Variants in MLLT10 observed in about 807,000 individuals in gnomAD.
MLLT10 encodes protein AF-10.
In MLLT10, 30 loss-of-function variants were observed where a neutral mutation model predicts 129.1. That is an observed-to-expected ratio of 0.23 (90% confidence interval 0.17 to 0.32). The LOEUF (loss-of-function observed/expected upper bound fraction) is 0.32. Ranked by LOEUF, MLLT10 falls within the 10% of genes least tolerant of loss-of-function variation. MLLT10 has a pLI of 1.00. For synonymous variants in MLLT10, 490 were observed against 446.4 expected, an observed-to-expected ratio of 1.10 and a Z score of -1.23; for missense variants, 1,119 against 1,268.3, an observed-to-expected ratio of 0.88 and a Z score of 1.79.
intron 17 of MLLT10, among the ~76,000 whole-genome samples, chr10:21,731,803 T>C (rs894062659): frequency 4.6e-5 from 7 of 152,182 alleles, no homozygotes; most frequent in African/African-American, 1.4e-4. Context: ...AGATGTGGCC[T>C]TGTCTTAATT....
rs1285604386 is a variant in MLLT10 at position 21,534,446 on chromosome 10, G to T, written c.-75G>T. The stretch of plus-strand genomic sequence containing the variant: ...AGGAGGCGGAGGAGGCGGTGGAGGG[G>T]AGGTGGGGGGAATCAGCAAGGACAT... On this transcript the variant is annotated 5_prime_UTR_variant, in exon 1 of 23. Transcript: ENST00000307729. 2 of 502,860 alleles carry T rather than the reference G, an allele frequency of 4.0e-6. No homozygotes were observed. Among genetic ancestry groups the T allele is most frequent in the Admixed American group, 3.7e-5 (1 of 27,188 alleles). 31.1% of individuals were successfully genotyped at this position (502,860 alleles called of 1,614,324 possible). A position where few individuals can be genotyped will look rare whatever the true frequency, so the allele number is the denominator to read the frequency against.
intron 8 of MLLT10, among the ~76,000 whole-genome samples, chr10:21,635,717 C>A (rs1309255945): frequency 6.6e-6 from 1 of 151,216 alleles, no homozygotes; most frequent in Non-Finnish European, 1.5e-5. Flanking sequence ...TTTTCTCTTG[C>A]TGTTTTTTGT....
At chr10:21,674,262 A>G (rs2051824328) in intron 11 of MLLT10, among the ~76,000 whole-genome samples, 1 of 151,722 alleles carries the variant, frequency 6.6e-6, no homozygotes, top group Non-Finnish European at 1.5e-5. Context: ...TGCAGAATTT[A>G]TATTTAGGGT....
intron 9 of MLLT10, among the ~76,000 whole-genome samples, chr10:21,665,658 T>A (rs1339677406): frequency 6.6e-6 from 1 of 152,144 alleles, no homozygotes; most frequent in East Asian, 1.9e-4. Context: ...AATCTTTGCT[T>A]TTTAATTGGG....
At chr10:21,579,113 A>G (rs1177418567) in intron 3 of MLLT10, among the ~76,000 whole-genome samples, 1 of 152,084 alleles carries the variant, frequency 6.6e-6, no homozygotes, top group African/African-American at 2.4e-5. Context: ...TTTGAAGGGC[A>G]TTGTGGTTGG....
intron 5 of MLLT10, among the ~76,000 whole-genome samples, chr10:21,596,431 G>A (rs1385685359): frequency 1.3e-5 from 2 of 152,170 alleles, no homozygotes; most frequent in African/African-American, 2.4e-5. Context: ...TGGTTGAAGG[G>A]CCTAGTTTGG....
At chr10:21,691,757 A>G (rs886497336) in intron 13 of MLLT10, among the ~76,000 whole-genome samples, 1 of 152,170 alleles carries the variant, frequency 6.6e-6, no homozygotes, top group Non-Finnish European at 1.5e-5. Context: ...AAAGCAAGGA[A>G]CACAGTAAAG....
chr10:21,697,000 C>T (rs1328227637), intron 13 of MLLT10, among the ~76,000 whole-genome samples: 1 of 148,002 alleles, frequency 6.8e-6, no homozygotes, highest in Non-Finnish European at 1.5e-5. Flanking sequence ...AGTTGACTCC[C>T]TAGCTTCATC....
rs930904906 is a variant in MLLT10, at chr10:21,667,520, G to GT, written c.796-2919dup. 3.3e-3 allele frequency among the ~76,000 whole-genome samples: 473 copies of GT among 141,850 alleles called. 2 individuals carry two copies. Among genetic ancestry groups the GT allele is most frequent in the Middle Eastern group, 0.03 (8 of 266 alleles). The allele number at this position is 141,850 out of a possible 152,430, so 93.1% of individuals were successfully genotyped here. On this transcript the variant is annotated intron_variant, in intron 9 of 22. Coordinates refer to ENST00000307729, the MANE Select transcript of MLLT10 (RefSeq NM_001195626.3). Reference sequence around the variant, plus strand: ...ACTTAAGGTTGTTCTACAGCTCACTGTTTTTTTTTTAATGTACTCATTCTT... The same window carrying GT: ...ACTTAAGGTTGTTCTACAGCTCACTGTTTTTTTTTTTAATGTACTCATTCTT...
rs61561146 is a variant in MLLT10 at position 21,593,926 on chromosome 10, TAAAAAAAAAAAAAA to T, written c.296-1386_296-1373del. Among the ~76,000 whole-genome samples the T allele has an allele frequency of 4.4e-3, 201 of 45,430 alleles. 4 individuals carry two copies. Among genetic ancestry groups the T allele is most frequent in the African/African-American group, 0.013 (126 of 9,430 alleles). 29.8% of individuals were successfully genotyped at this position (45,430 alleles called of 152,430 possible). ...GGGCGACAGACCAAGGCTTTGTCTT[TAAAAAAAAAAAAAA>T]AAAAAAAAAAAAAAAAAAGGTGGAA... On this transcript the variant is annotated intron_variant, in intron 4 of 22. Transcript: ENST00000307729.
intron 5 of MLLT10, among the ~76,000 whole-genome samples, chr10:21,600,668 G>T (rs2043437909): frequency 6.6e-6 from 1 of 152,078 alleles, no homozygotes; most frequent in Non-Finnish European, 1.5e-5. Context: ...TGCTTAAATT[G>T]ATTTTTCTTT....
At chr10:21,538,068 A>G (rs1426925132) in intron 2 of MLLT10, among the ~76,000 whole-genome samples, 1 of 150,360 alleles carries the variant, frequency 6.7e-6, no homozygotes, top group Non-Finnish European at 1.5e-5. Context: ...TGGTGTGATT[A>G]TGGCTCACTG....
rs182180657 is a variant in MLLT10, at chr10:21,631,914, T to C, written c.699+14707T>C. Among the ~76,000 whole-genome samples, 4 of 144,754 alleles carry C rather than the reference T, an allele frequency of 2.8e-5. No homozygotes were observed. In the East Asian group the frequency reaches 7.9e-4, roughly 28 times the overall value. 95.0% of individuals were successfully genotyped at this position (144,754 alleles called of 152,430 possible). ...AGTTAGATAAATCTGTATTACAACT[T>C]GAAGAGTTTTTTTTTTGGTTTTTTT... On this transcript the variant is annotated intron_variant, in intron 8 of 22. Transcript: ENST00000307729.
chr10:21,614,426 A>G (rs1261442999), intron 6 of MLLT10, among the ~76,000 whole-genome samples: 1 of 152,132 alleles, frequency 6.6e-6, no homozygotes, highest in African/African-American at 2.4e-5. Flanking sequence ...GCTAAATACC[A>G]TCACTTCGGC....
chr10:21,693,283 T>C (rs2054050296), intron 13 of MLLT10, among the ~76,000 whole-genome samples: 1 of 152,242 alleles, frequency 6.6e-6, no homozygotes, highest in Admixed American at 6.5e-5. Flanking sequence ...AAACTTACTT[T>C]TTGCTATGCA....
intron 8 of MLLT10, among the ~76,000 whole-genome samples, chr10:21,638,243 ATTC>A (rs2047638879): frequency 9.4e-6 from 1 of 105,892 alleles, no homozygotes; most frequent in South Asian, 3.5e-4. Context: ...TCTATCATAT[ATTC>A]TTCTTTTTGG....
chr10:21,717,598 T>TTTCTTCCTC, intron 14 of MLLT10, among the ~76,000 whole-genome samples: 1 of 119,272 alleles, frequency 8.4e-6, no homozygotes, highest in African/African-American at 3.2e-5. Flanking sequence ...CTTCCTCTTC[T>TTTCTTCCTC]TTCTTCCTCT....
intron 8 of MLLT10, among the ~76,000 whole-genome samples, chr10:21,636,521 C>T (rs1049357920): frequency 6.6e-6 from 1 of 151,086 alleles, no homozygotes; most frequent in Non-Finnish European, 1.5e-5. Context: ...CAAAGCTGAT[C>T]TATATTTTTT....
At chr10:21,651,323 G>C (rs1248085871) in intron 8 of MLLT10, among the ~76,000 whole-genome samples, 2 of 152,148 alleles carry the variant, frequency 1.3e-5, no homozygotes, top group Admixed American at 1.3e-4. Flanking sequence ...GCCCGCTTCA[G>C]CTTCCCAAAG....
Sources: gnomAD v4.1 joint callset for allele counts (sites outside exome capture counted in the v4.1 genomes callset) on GRCh38, gnomAD v4.1.1 for gene constraint, MANE v1.5 for transcripts, NCBI Gene and HGNC (gene_info 2026-07-23, HGNC 2026-07-21) for gene names.